HCN1: variants seen among roughly 807,000 people sequenced by gnomAD.
HCN1 encodes hyperpolarization activated cyclic nucleotide gated potassium channel 1.
Under a neutral mutation model 78.9 loss-of-function variants are expected in HCN1, and 13 were observed. The ratio of observed to expected loss-of-function variants is 0.16; its 90% CI spans 0.11 to 0.26. The LOEUF (loss-of-function observed/expected upper bound fraction) is 0.26. Among genes scored for constraint, HCN1 ranks in the 10% least tolerant of loss-of-function variants. The probability of loss-of-function intolerance (pLI) is 1.00; values close to 1 mark genes in which losing one functional copy is unlikely to be tolerated. For synonymous variants in HCN1, 552 were observed against 455.5 expected, an observed-to-expected ratio of 1.21 and a Z score of -2.70; for missense variants, 810 against 1,154.3, an observed-to-expected ratio of 0.70 and a Z score of 4.32.
At chr5:45,312,411 C>T (rs540867118) in intron 5 of HCN1, among the ~76,000 whole-genome samples, 39 of 152,240 alleles carry the variant, frequency 2.6e-4, no homozygotes, top group Admixed American at 1.6e-3. Context: ...CAAAGAGGAA[C>T]GGCTCCAGTC....
At chr5:45,670,271 G>T (rs530954793) in intron 1 of HCN1, among the ~76,000 whole-genome samples, 1 of 151,522 alleles carries the variant, frequency 6.6e-6, no homozygotes, top group Admixed American at 6.6e-5. Context: ...TCCAAATAAC[G>T]CTTTACTGGA....
intron 1 of HCN1, among the ~76,000 whole-genome samples, chr5:45,652,656 T>A (rs1377198177): frequency 6.6e-6 from 1 of 152,014 alleles, no homozygotes; most frequent in African/African-American, 2.4e-5. Flanking sequence ...GGCTTCCAAA[T>A]TTCCTGATAG....
chr5:45,683,334 A>G (rs1739740669), intron 1 of HCN1, among the ~76,000 whole-genome samples: 1 of 152,038 alleles, frequency 6.6e-6, no homozygotes, highest in Non-Finnish European at 1.5e-5. Context: ...GATATATAGG[A>G]AAGTTACTGA....
At chr5:45,570,089 A>G (rs1008854799) in intron 2 of HCN1, among the ~76,000 whole-genome samples, 4 of 152,098 alleles carry the variant, frequency 2.6e-5, no homozygotes, top group African/African-American at 4.8e-5. Context: ...AAGAATTCCT[A>G]TTGCTATTTT....
intron 3 of HCN1, among the ~76,000 whole-genome samples, chr5:45,459,512 A>G (rs1222897007): frequency 1.2e-5 from 1 of 84,700 alleles, no homozygotes; most frequent in Non-Finnish European, 2.6e-5. Flanking sequence ...TAAACATACT[A>G]CACACACACA....
chr5:45,315,642 A>G (rs1028458436), intron 5 of HCN1, among the ~76,000 whole-genome samples: 1 of 152,184 alleles, frequency 6.6e-6, no homozygotes, highest in Admixed American at 6.5e-5. Flanking sequence ...TTTTGAAAAG[A>G]TCAAGAAAAT....
chr5:45,685,678 C>T (rs765430069), intron 1 of HCN1, among the ~76,000 whole-genome samples: 11 of 151,904 alleles, frequency 7.2e-5, no homozygotes, highest in Non-Finnish European at 1.3e-4. Flanking sequence ...TGCCATTGCA[C>T]TCCAGCCTGG....
chr5:45,303,024 C>A (rs978718851), intron 6 of HCN1, among the ~76,000 whole-genome samples: 3 of 152,146 alleles, frequency 2.0e-5, no homozygotes, highest in Non-Finnish European at 2.9e-5. Flanking sequence ...AGAAACAATA[C>A]AAATTTCTGT....
At chr5:45,548,225 C>A (rs564461060) in intron 2 of HCN1, among the ~76,000 whole-genome samples, 1 of 151,788 alleles carries the variant, frequency 6.6e-6, no homozygotes, top group Non-Finnish European at 1.5e-5. Flanking sequence ...AAAAAAAACA[C>A]ATACTTTCTG....
intron 2 of HCN1, among the ~76,000 whole-genome samples, chr5:45,463,483 A>G (rs1191631335): frequency 6.6e-6 from 1 of 152,048 alleles, no homozygotes; most frequent in African/African-American, 2.4e-5. Flanking sequence ...AACAGACCAC[A>G]TATTTTGATA....
chr5:45,303,912 T>G, intron 5 of HCN1, 73 bp from the exon 6 acceptor site: 2 of 1,289,700 alleles, frequency 1.6e-6, no homozygotes, highest in Non-Finnish European at 2.3e-6. Context: ...TGCTGAAATT[T>G]AAAATATATA....
chr5:45,617,738 A>ATT (rs1744981634), intron 2 of HCN1, among the ~76,000 whole-genome samples: 1 of 152,080 alleles, frequency 6.6e-6, no homozygotes, highest in African/African-American at 2.4e-5. Flanking sequence ...TTTAGGAGAA[A>ATT]TGTTTTCATA....
chr5:45,322,397 G>T (rs752636616), intron 5 of HCN1, among the ~76,000 whole-genome samples: 1 of 151,722 alleles, frequency 6.6e-6, no homozygotes, highest in Non-Finnish European at 1.5e-5. Context: ...TTTATTAAAT[G>T]CTTTGTGCTT....
intron 4 of HCN1, among the ~76,000 whole-genome samples, chr5:45,366,647 A>G (rs1050228417): frequency 6.6e-6 from 1 of 151,814 alleles, no homozygotes; most frequent in African/African-American, 2.4e-5. Flanking sequence ...GAGGATATGG[A>G]TAATTACTAA....
In HCN1 at chr5:45,396,488, T is replaced by A. The variant is rs777530266; in HGVS notation, c.1230+4A>T. On this transcript the variant is annotated splice_donor_region_variant and intron_variant, in intron 4 of 7. Coordinates refer to ENST00000303230, the MANE Select transcript of HCN1 (RefSeq NM_021072.4). Reference sequence around the variant, plus strand: ...AGACATTGGCGATAAATAAAACAAATTACCTTCTCTTGATACTGCCGCCTC... The same window carrying A: ...AGACATTGGCGATAAATAAAACAAAATACCTTCTCTTGATACTGCCGCCTC... 6.2e-6 allele frequency: 10 copies of A among 1,611,766 alleles called. No homozygotes were observed. Among genetic ancestry groups the A allele is most frequent in the Middle Eastern group, 1.7e-4 (1 of 5,912 alleles).
intron 5 of HCN1, among the ~76,000 whole-genome samples, chr5:45,323,403 T>A (rs1746164919): frequency 6.6e-6 from 1 of 151,854 alleles, no homozygotes; most frequent in Non-Finnish European, 1.5e-5. Flanking sequence ...TCCTATTACA[T>A]CTTCACTGGA....
chr5:45,319,313 A>C (rs531245343), intron 5 of HCN1, among the ~76,000 whole-genome samples: 3 of 151,964 alleles, frequency 2.0e-5, no homozygotes, highest in African/African-American at 7.2e-5. Context: ...TCATTCCATC[A>C]ACAGGTGATG....
chr5:45,300,690 C>G (rs145934657), intron 6 of HCN1, among the ~76,000 whole-genome samples: 19 of 152,198 alleles, frequency 1.2e-4, no homozygotes, highest in African/African-American at 4.3e-4. Context: ...TTTGACAGAG[C>G]AGGGGTTGGT....
At chr5:45,299,427 CTA>C (rs1745562667) in intron 6 of HCN1, among the ~76,000 whole-genome samples, 1 of 151,950 alleles carries the variant, frequency 6.6e-6, no homozygotes, top group African/African-American at 2.4e-5. Context: ...CTCTCTGTCT[CTA>C]TAACTATTTT....
Sources: allele counts gnomAD v4.1 joint callset (sites outside exome capture counted in the v4.1 genomes callset), GRCh38; gene constraint gnomAD v4.1.1; transcripts MANE v1.5; gene names NCBI Gene and HGNC (gene_info 2026-07-23, HGNC 2026-07-21).